The following MRRF variants were observed in gnomAD, a reference collection of about 807,000 sequenced individuals.
MRRF encodes mitochondrial ribosome recycling factor.
Under a neutral mutation model 25.1 loss-of-function variants are expected in MRRF, and 18 were observed. The ratio of observed to expected loss-of-function variants is 0.72; its 90% CI spans 0.50 to 1.06. The LOEUF (loss-of-function observed/expected upper bound fraction) is 1.06. MRRF is among the 50% of genes least tolerant of loss of function. The pLI is 0.00. For synonymous variants in MRRF, 113 were observed against 112.1 expected (o/e 1.01, Z -0.05); for missense variants, 323 against 319.3 (o/e 1.01, Z -0.09).
At chr9:122,278,309 A>AT (rs1258704424) in intron 2 of MRRF, among the ~76,000 whole-genome samples, 3 of 152,368 alleles carry the variant, frequency 2.0e-5, no homozygotes, top group South Asian at 2.1e-4. Context: ...CAGCACCCAG[A>AT]TAAAAAAAAC....
At chr9:122,306,918 G>C (rs1178257341) in intron 5 of MRRF, among the ~76,000 whole-genome samples, 1 of 152,168 alleles carries the variant, frequency 6.6e-6, no homozygotes, top group Non-Finnish European at 1.5e-5. Context: ...GAAAGCAGGT[G>C]CCCAGTTGTG....
intron 2 of MRRF, among the ~76,000 whole-genome samples, chr9:122,277,699 C>T (rs376639539): frequency 3.3e-5 from 5 of 152,150 alleles, no homozygotes; most frequent in South Asian, 2.1e-4. Context: ...TACAGGCATA[C>T]GCCACCATGC....
rs1835994911 is a variant in MRRF, at chr9:122,323,282, C to G, written c.*665C>G. 1 of 157,302 alleles carries G rather than the reference C, an allele frequency of 6.4e-6. No individual in the cohort carries two copies. Among genetic ancestry groups the G allele is most frequent in the Non-Finnish European group, 1.4e-5 (1 of 70,836 alleles). 9.7% of individuals were successfully genotyped at this position (157,302 alleles called of 1,614,324 possible). On this transcript the variant is annotated 3_prime_UTR_variant, in exon 7 of 7. Coordinates refer to ENST00000344641, the MANE Select transcript of MRRF (RefSeq NM_138777.5). ...GTCCTCTGGGAAGTCTTCTTTTCCC[C>G]TCTAACCTAGGACCCTCATTACCGG...
intron 5 of MRRF, among the ~76,000 whole-genome samples, chr9:122,295,023 C>T (rs769314967): frequency 6.6e-6 from 1 of 152,118 alleles, no homozygotes; most frequent in African/African-American, 2.4e-5. Flanking sequence ...TTAAATTTTG[C>T]GTTGGTGTCA....
chr9:122,325,309 C>T lies in MRRF; in HGVS notation c.*2692C>T, dbSNP rs1323181931. 1.3e-5 allele frequency: 2 copies of T among 152,150 alleles called. No homozygotes were observed. Among genetic ancestry groups the T allele is most frequent in the Non-Finnish European group, 2.9e-5 (2 of 68,028 alleles). The allele number at this position is 152,150 out of a possible 1,614,324, so 9.4% of individuals were successfully genotyped here. A position where few individuals can be genotyped will look rare whatever the true frequency, so the allele number is the denominator to read the frequency against. On this transcript the variant is annotated 3_prime_UTR_variant, in exon 7 of 7. Coordinates refer to ENST00000344641, the MANE Select transcript of MRRF (RefSeq NM_138777.5). ...AAACCTCGAGCCCAGGGCAGTCAGACAGCTCAGCAAATGGCTTTCAGATGA... is the reference window on the plus strand; with the variant it reads ...AAACCTCGAGCCCAGGGCAGTCAGATAGCTCAGCAAATGGCTTTCAGATGA...
At chr9:122,320,258 G>T (rs977087283) in intron 6 of MRRF, among the ~76,000 whole-genome samples, 2 of 152,178 alleles carry the variant, frequency 1.3e-5, no homozygotes, top group Non-Finnish European at 2.9e-5. Flanking sequence ...AGTTTAAAAT[G>T]TGCATGCATA....
In MRRF at chr9:122,327,260, A is replaced by T. The variant is rs1836169357; in HGVS notation, c.*4643A>T. 1 of 152,184 alleles carries T rather than the reference A, an allele frequency of 6.6e-6. No homozygotes were observed. Among genetic ancestry groups the T allele is most frequent in the Non-Finnish European group, 1.5e-5 (1 of 68,036 alleles). 9.4% of individuals were successfully genotyped at this position (152,184 alleles called of 1,614,324 possible). On this transcript the variant is annotated 3_prime_UTR_variant, in exon 7 of 7. Transcript: ENST00000344641. ...GTTCACCAAGCAGTGAATAATGATA[A>T]TAATAACAACAATAACAGTATTGAC...
chr9:122,294,766 ATAGGT>A, intron 5 of MRRF, among the ~76,000 whole-genome samples: 1 of 152,320 alleles, frequency 6.6e-6, no homozygotes, highest in Non-Finnish European at 1.5e-5. Flanking sequence ...TATTTGTAAA[ATAGGT>A]TAGTGCATAA....
intron 3 of MRRF, among the ~76,000 whole-genome samples, chr9:122,282,699 G>A (rs1362065032): frequency 1.3e-5 from 2 of 152,178 alleles, no homozygotes; most frequent in Admixed American, 6.5e-5. Context: ...CATTTATCAT[G>A]ATGTCTTGCT....
Position 122,322,961 on chromosome 9 carries a change from G to T in MRRF, c.*344G>T. Reference sequence around the variant, plus strand: ...AGGAGTCTCCTTTTCAAATAATTAGGCTCTGTTCCCATTTTAAAACTCTGA... The same window carrying T: ...AGGAGTCTCCTTTTCAAATAATTAGTCTCTGTTCCCATTTTAAAACTCTGA... On this transcript the variant is annotated 3_prime_UTR_variant, in exon 7 of 7. Coordinates refer to ENST00000344641, the MANE Select transcript of MRRF (RefSeq NM_138777.5). 1 of 358,520 alleles carries T rather than the reference G, an allele frequency of 2.8e-6. No homozygotes were observed. The highest frequency in any genetic ancestry group is 5.2e-6 in the Non-Finnish European group (1 of 190,556). The allele number at this position is 358,520 out of a possible 1,614,324, so 22.2% of individuals were successfully genotyped here.
At chr9:122,285,432 C>T (rs1833336483) in intron 4 of MRRF, 145 bp downstream of exon 4, 2 of 741,752 alleles carry the variant, frequency 2.7e-6, no homozygotes, top group East Asian at 2.5e-5. Context: ...AGGCAAAGCT[C>T]TTTTCCTGTT....
intron 6 of MRRF, among the ~76,000 whole-genome samples, chr9:122,315,313 C>T (rs1365088920): frequency 6.6e-6 from 1 of 152,116 alleles, no homozygotes; most frequent in African/African-American, 2.4e-5. Flanking sequence ...TTTTAAAAAG[C>T]TCTCAGGTAA....
At chr9:122,322,514 G>A (rs1378874778) in intron 6 of MRRF, 26 bp from the exon 7 acceptor site, 1 of 1,608,774 alleles carries the variant, frequency 6.2e-7, no homozygotes, top group African/African-American at 1.3e-5. Flanking sequence ...CCATTAATCA[G>A]GCTGTCTCAT....
chr9:122,285,225 A>T lies in MRRF; in HGVS notation c.397A>T (p.Ile133Phe). ...TADGKLALNQ[I>F]SQISMKSPQL... ...TGACGGGAAGCTTGCTTTAAACCAG[A>T]TTAGCCAGATCTCCATGAAGTCGCC... is the stretch of plus-strand genomic sequence containing the variant. Residue 133 changes from isoleucine (I) to phenylalanine (F), a missense_variant, in exon 4 of 7, where the codon ATT becomes TTT. Ile to Phe is a conservative substitution (Grantham distance 21, BLOSUM62 0). Coordinates refer to ENST00000344641, the MANE Select transcript of MRRF (RefSeq NM_138777.5). 6.2e-7 allele frequency: 1 copy of T among 1,614,100 alleles called. No homozygotes were observed. Among genetic ancestry groups the T allele is most frequent in the Non-Finnish European group, 8.5e-7 (1 of 1,179,950 alleles).
At chr9:122,306,948 T>C (rs1478211018) in intron 5 of MRRF, among the ~76,000 whole-genome samples, 2 of 152,126 alleles carry the variant, frequency 1.3e-5, no homozygotes, top group Non-Finnish European at 2.9e-5. Flanking sequence ...AGAACCAAAA[T>C]TACTACTGGT....
chr9:122,322,689 C>T lies in MRRF; in HGVS notation c.*72C>T. Reference sequence around the variant, plus strand: ...TCCCATGGGTGGCACATTGGGACTTCTCTCCCTCCCCCATCTACACAGAAG... The same window carrying T: ...TCCCATGGGTGGCACATTGGGACTTTTCTCCCTCCCCCATCTACACAGAAG... On this transcript the variant is annotated 3_prime_UTR_variant, in exon 7 of 7. Coordinates refer to ENST00000344641, the MANE Select transcript of MRRF (RefSeq NM_138777.5). 7.6e-7 allele frequency: 1 copy of T among 1,320,394 alleles called. No homozygotes were observed. The highest frequency in any genetic ancestry group is 2.3e-5 in the East Asian group (1 of 43,000). The allele number at this position is 1,320,394 out of a possible 1,614,324, so 81.8% of individuals were successfully genotyped here.
intron 5 of MRRF, among the ~76,000 whole-genome samples, chr9:122,302,692 A>G (rs895610943): frequency 6.6e-6 from 1 of 152,150 alleles, no homozygotes; most frequent in Non-Finnish European, 1.5e-5. Flanking sequence ...TTTTTGTGTG[A>G]ACATGCTTTT....
chr9:122,292,066 C>T (rs906161182), intron 5 of MRRF, among the ~76,000 whole-genome samples: 3 of 152,128 alleles, frequency 2.0e-5, no homozygotes, highest in African/African-American at 4.8e-5. Context: ...AATTTGTTGT[C>T]CTTACATAGT....
chr9:122,311,617 T>G (rs1273194961), intron 5 of MRRF, among the ~76,000 whole-genome samples: 2 of 152,240 alleles, frequency 1.3e-5, no homozygotes, highest in African/African-American at 4.8e-5. Context: ...TCATTTTATA[T>G]TTTTTAATGT....
Sources: gnomAD v4.1 joint callset for allele counts (sites outside exome capture counted in the v4.1 genomes callset) on GRCh38, gnomAD v4.1.1 for gene constraint, MANE v1.5 for transcripts, NCBI Gene and HGNC (gene_info 2026-07-23, HGNC 2026-07-21) for gene names.